The following OGDH variants were observed in gnomAD, a reference collection of about 807,000 sequenced individuals.
OGDH encodes oxoglutarate dehydrogenase.
Under a neutral mutation model 116.6 loss-of-function variants are expected in OGDH, and 38 were observed. The observed-to-expected ratio is 0.33, with a 90% confidence interval of 0.25 to 0.43. OGDH has a LOEUF of 0.43. OGDH is among the 20% of genes least tolerant of loss of function. The pLI is 1.00. For synonymous variants in OGDH, 488 were observed against 533.3 expected (o/e 0.92, Z 1.17); for missense variants, 825 against 1,357.2 (o/e 0.61, Z 6.16).
intron 4 of OGDH, among the ~76,000 whole-genome samples, chr7:44,652,658 T>G (rs1339987362): frequency 1.3e-5 from 2 of 151,990 alleles, no homozygotes; most frequent in African/African-American, 4.8e-5. Flanking sequence ...GCCTTGGCCT[T>G]TCAGAGTGCT....
intron 5 of OGDH, among the ~76,000 whole-genome samples, chr7:44,670,045 C>T (rs1019818517): frequency 6.6e-6 from 1 of 151,920 alleles, no homozygotes; most frequent in African/African-American, 2.4e-5. Context: ...AACAAAGAAT[C>T]AGCCCCTGAA....
At chr7:44,690,996 G>A (rs1788340468) in intron 10 of OGDH, among the ~76,000 whole-genome samples, 1 of 152,094 alleles carries the variant, frequency 6.6e-6, no homozygotes, top group Non-Finnish European at 1.5e-5. Flanking sequence ...GTGTGAGAAG[G>A]GAGATTATGT....
chr7:44,612,108 G>C (rs1428979205), intron 1 of OGDH, among the ~76,000 whole-genome samples: 1 of 152,028 alleles, frequency 6.6e-6, no homozygotes, highest in Non-Finnish European at 1.5e-5. Context: ...TTTTTGTGGG[G>C]GGTTTTTGCT....
chr7:44,682,111 G>A (rs936584320), intron 10 of OGDH, among the ~76,000 whole-genome samples: 1 of 152,040 alleles, frequency 6.6e-6, no homozygotes, highest in African/African-American at 2.4e-5. Flanking sequence ...TTAGCACTGG[G>A]TGGCCGGGTG....
chr7:44,658,162 G>T (rs1786777832), intron 4 of OGDH, among the ~76,000 whole-genome samples: 1 of 152,040 alleles, frequency 6.6e-6, no homozygotes, highest in Non-Finnish European at 1.5e-5. Context: ...ATTTTGATAG[G>T]AATTGGCTTA....
intron 4 of OGDH, among the ~76,000 whole-genome samples, chr7:44,664,338 G>A (rs1474750278): frequency 6.6e-6 from 1 of 152,126 alleles, no homozygotes; most frequent in Non-Finnish European, 1.5e-5. Context: ...TTGGGCCTTC[G>A]CTGAAACCTC....
chr7:44,662,620 G>A (rs561068667), intron 4 of OGDH, among the ~76,000 whole-genome samples: 47 of 151,792 alleles, frequency 3.1e-4, no homozygotes, highest in African/African-American at 1.0e-3. Context: ...GCACCACCAC[G>A]CCTGGCTAAT....
At chr7:44,683,664 A>G (rs948968385) in intron 10 of OGDH, among the ~76,000 whole-genome samples, 1 of 152,240 alleles carries the variant, frequency 6.6e-6, no homozygotes, top group Non-Finnish European at 1.5e-5. Flanking sequence ...TCATATCATT[A>G]CGTACCCTTT....
intron 1 of OGDH, among the ~76,000 whole-genome samples, chr7:44,614,288 G>A (rs1260975644): frequency 6.8e-6 from 1 of 146,362 alleles, no homozygotes; most frequent in African/African-American, 2.5e-5. Flanking sequence ...TGCCTTCAAG[G>A]TTTTGGTTTT....
Position 44,707,126 on chromosome 7 carries a change from G to C in OGDH, c.2633-99G>C. ...GAAGCATCTCTAACCCTTGAAAGCT[G>C]CGTCTCCTGGCAGCAGTCCCTGGCA... is the stretch of plus-strand genomic sequence containing the variant. On this transcript the variant is annotated intron_variant, in intron 20 of 22. Coordinates refer to ENST00000222673, the MANE Select transcript of OGDH (RefSeq NM_002541.4). The surrounding 1 kb of genome is among the most constrained non-coding windows in gnomAD (Gnocchi z 5.2). 1 of 1,285,478 alleles carries C rather than the reference G, an allele frequency of 7.8e-7. No homozygotes were observed. Among genetic ancestry groups the C allele is most frequent in the Non-Finnish European group, 1.1e-6 (1 of 919,806 alleles). The allele number at this position is 1,285,478 out of a possible 1,614,324, so 79.6% of individuals were successfully genotyped here. A position where few individuals can be genotyped will look rare whatever the true frequency, so the allele number is the denominator to read the frequency against.
intron 12 of OGDH, 53 bp from the exon 13 acceptor site, chr7:44,695,972 G>A: frequency 1.0e-6 from 1 of 963,644 alleles, no homozygotes; most frequent in South Asian, 1.3e-5. Flanking sequence ...AGGTGGGCGT[G>A]TGCAGTAGTC....
chr7:44,667,087 G>A lies in OGDH; in HGVS notation c.633+236G>A, dbSNP rs180704681. 2.4e-3 allele frequency among the ~76,000 whole-genome samples: 361 copies of A among 152,028 alleles called. 1 individual carries two copies. Among genetic ancestry groups the A allele is most frequent in the African/African-American group, 8.3e-3 (344 of 41,446 alleles). On this transcript the variant is annotated intron_variant, in intron 5 of 22. Transcript: ENST00000222673. ...CCAACCTCTTGTATCTGGGACTACT[G>A]GTACACACCACCATGCCCAGCTAAT...
intron 2 of OGDH, among the ~76,000 whole-genome samples, chr7:44,639,767 G>C (rs973377716): frequency 6.6e-6 from 1 of 152,200 alleles, no homozygotes; most frequent in Non-Finnish European, 1.5e-5. Context: ...CTCCCCCAGT[G>C]GTGTGGGAAC....
intron 20 of OGDH, among the ~76,000 whole-genome samples, chr7:44,702,633 C>T (rs1788885953): frequency 6.6e-6 from 1 of 152,068 alleles, no homozygotes; most frequent in African/African-American, 2.4e-5. Context: ...CGCTCTATCG[C>T]TCAGGCTGGA....
At chr7:44,666,924 T>TTTTA (rs776871928) in intron 5 of OGDH, 73 bp downstream of exon 5, 14 of 845,944 alleles carry the variant, frequency 1.7e-5, no homozygotes, top group Non-Finnish European at 2.6e-5. Context: ...TTGAGACTAG[T>TTTTA]TTTATTTTTT....
chr7:44,644,133 A>C, intron 2 of OGDH, among the ~76,000 whole-genome samples: 1 of 152,210 alleles, frequency 6.6e-6, no homozygotes, highest in East Asian at 1.9e-4. Context: ...TGAACCCGGG[A>C]GGTGGAGGTT....
intron 1 of OGDH, among the ~76,000 whole-genome samples, chr7:44,608,789 A>T (rs1784452918): frequency 6.6e-6 from 1 of 152,200 alleles, no homozygotes; most frequent in South Asian, 2.1e-4. Flanking sequence ...TTTTGAGATC[A>T]TTGTACAAAT....
chr7:44,609,803 C>T (rs1341081284), intron 1 of OGDH, among the ~76,000 whole-genome samples: 3 of 152,140 alleles, frequency 2.0e-5, no homozygotes, highest in Non-Finnish European at 1.5e-5. Flanking sequence ...TTTTACATTC[C>T]CACCGGCACT....
rs1470298157 is a variant in OGDH, at chr7:44,647,649, A to T, written c.415-8A>T. ...GTGTCCTTCCCTCTCATCGTTGGCC[A>T]CTCATAGATACGAGGGCACCATGTA... On this transcript the variant is annotated splice_polypyrimidine_tract_variant and splice_region_variant and intron_variant, in intron 3 of 22. Coordinates refer to ENST00000222673, the MANE Select transcript of OGDH (RefSeq NM_002541.4). The T allele has an allele frequency of 3.1e-6, 5 of 1,609,098 alleles. No individual in the cohort carries two copies. Among genetic ancestry groups the T allele is most frequent in the Non-Finnish European group, 3.4e-6 (4 of 1,176,910 alleles).
Sources: allele counts gnomAD v4.1 joint callset (sites outside exome capture counted in the v4.1 genomes callset), GRCh38; gene constraint gnomAD v4.1.1; non-coding constraint Gnocchi (gnomAD v3.1); transcripts MANE v1.5; gene names NCBI Gene and HGNC (gene_info 2026-07-23, HGNC 2026-07-21).